NIPBL: variants seen among roughly 807,000 people sequenced by gnomAD.
The protein encoded by NIPBL is NIPBL cohesin loading factor.
A neutral mutation model predicts 321.8 loss-of-function variants in NIPBL; 19 were observed. That is an observed-to-expected ratio of 0.06 (90% confidence interval 0.04 to 0.09). The LOEUF (loss-of-function observed/expected upper bound fraction) is 0.09, where lower values mean the gene tolerates loss of function less well. Ranked by LOEUF, NIPBL falls within the 10% of genes least tolerant of loss-of-function variation. The probability of loss-of-function intolerance (pLI) is 1.00; values close to 1 mark genes in which losing one functional copy is unlikely to be tolerated. For missense variants in NIPBL, 2,210 were observed against 3,327.0 expected (o/e 0.66, Z 8.26); for synonymous variants, 1,106 against 1,114.1 (o/e 0.99, Z 0.14).
chr5:37,014,787 C>A (rs781028144), intron 22 of NIPBL, 22 bp downstream of exon 22: 8 of 1,419,574 alleles, frequency 5.6e-6, no homozygotes, highest in African/African-American at 1.4e-5. Context: ...TAATATAAAT[C>A]TGGTTTTTCT....
chr5:37,016,849 C>G (rs998980196), intron 23 of NIPBL, among the ~76,000 whole-genome samples, 170 bp from the exon 24 acceptor site: 1 of 151,364 alleles, frequency 6.6e-6, no homozygotes, highest in African/African-American at 2.4e-5. Context: ...TGAAAATGTT[C>G]AGATTCCAGA....
Position 37,008,044 on chromosome 5 carries a change from A to G in NIPBL, c.4276A>G (p.Asn1426Asp), listed in dbSNP as rs761684520. 6.2e-7 allele frequency: 1 copy of G among 1,611,628 alleles called. No individual in the cohort carries two copies. The highest frequency in any genetic ancestry group is 8.5e-7 in the Non-Finnish European group (1 of 1,178,002). ...GGGAATAACACCATTTTTTGTGGAA[A>G]ATGTCAGTGAACTACAGTTGTGTGC... Reference protein sequence around the residue: ...SMGITPFFVENVSELQLCAIK... With the variant: ...SMGITPFFVEDVSELQLCAIK... The change falls in exon 19 of 47, where the codon AAT becomes GAT. Residue 1426 changes from asparagine to aspartate, a missense_variant. Coordinates refer to ENST00000282516, the MANE Select transcript of NIPBL (RefSeq NM_133433.4).
chr5:36,969,536 T>C (rs1371216971), intron 6 of NIPBL, among the ~76,000 whole-genome samples: 1 of 152,248 alleles, frequency 6.6e-6, no homozygotes. Flanking sequence ...TAATTAATGA[T>C]GCAGTTGTTC....
At chr5:36,972,454 C>T (rs73750913) in intron 8 of NIPBL, among the ~76,000 whole-genome samples, 2,245 of 152,194 alleles carry the variant, frequency 0.015, 56 homozygotes, top group African/African-American at 0.05. Flanking sequence ...TAGCTCCTCT[C>T]CTTATTCTTA....
chr5:37,036,980 A>G (rs1751767743), intron 33 of NIPBL, among the ~76,000 whole-genome samples: 2 of 152,116 alleles, frequency 1.3e-5, no homozygotes, highest in Admixed American at 6.5e-5. Flanking sequence ...ATTTATTAAA[A>G]TGTTTAAAAT....
intron 14 of NIPBL, among the ~76,000 whole-genome samples, chr5:37,001,405 C>G (rs765818665): frequency 2.0e-5 from 3 of 152,144 alleles, no homozygotes; most frequent in Non-Finnish European, 4.4e-5. Flanking sequence ...AAATTAAAAA[C>G]TTTAGTACAA....
Position 37,059,119 on chromosome 5 carries a change from C to T in NIPBL, c.7639C>T (p.Leu2547Phe), listed in dbSNP as rs774934420. ...TGTGTCCCAGGGTATTTTATTACTTCTCATGTTAAAACAACATTTGAAGAA... is the reference window on the plus strand; with the variant it reads ...TGTGTCCCAGGGTATTTTATTACTTTTCATGTTAAAACAACATTTGAAGAA... The part of the protein sequence containing the change: ...ANVSQGILLL[L>F]MLKQHLKNLC... The change falls in exon 44 of 47, where the codon CTC (leucine) becomes TTC (phenylalanine). Residue 2547 changes from leucine to phenylalanine, a missense_variant. Leu to Phe is a conservative substitution (Grantham distance 22). Coordinates refer to ENST00000282516, the MANE Select transcript of NIPBL (RefSeq NM_133433.4). The T allele has an allele frequency of 1.9e-6, 3 of 1,614,042 alleles. No homozygotes were observed. Among genetic ancestry groups the T allele is most frequent in the African/African-American group, 1.3e-5 (1 of 74,936 alleles).
chr5:37,034,012 C>T (rs956866724), intron 32 of NIPBL, among the ~76,000 whole-genome samples: 1 of 151,418 alleles, frequency 6.6e-6, no homozygotes, highest in Non-Finnish European at 1.5e-5. Context: ...CAATTAATAC[C>T]GAGAATAAAT....
At chr5:37,051,588 C>T in intron 40 of NIPBL, 191 bp from the exon 41 acceptor site, 2 of 603,306 alleles carry the variant, frequency 3.3e-6, no homozygotes, top group Non-Finnish European at 5.9e-6. Context: ...TGCTGGTGCT[C>T]CAGTGCTTTC....
chr5:36,902,350 G>T (rs1315932371), intron 1 of NIPBL, among the ~76,000 whole-genome samples: 2 of 152,094 alleles, frequency 1.3e-5, no homozygotes, highest in African/African-American at 2.4e-5. Context: ...ATGTCCAGAA[G>T]AGTTTTTCCT....
intron 21 of NIPBL, among the ~76,000 whole-genome samples, chr5:37,014,259 A>T (rs1748656899): frequency 6.6e-6 from 1 of 151,552 alleles, no homozygotes; most frequent in Non-Finnish European, 1.5e-5. Context: ...AGGGAGAGGG[A>T]GGGAGAGCTT....
intron 6 of NIPBL, among the ~76,000 whole-genome samples, chr5:36,969,064 T>C (rs1236117917): frequency 3.3e-5 from 5 of 152,194 alleles, no homozygotes; most frequent in African/African-American, 1.2e-4. Context: ...ATTAACAGTT[T>C]AAAAGAGCAC....
intron 15 of NIPBL, 66 bp from the exon 16 acceptor site, chr5:37,003,195 G>C (rs1378075156): frequency 1.1e-6 from 1 of 943,480 alleles, no homozygotes; most frequent in African/African-American, 1.6e-5. Flanking sequence ...TAATTGTACA[G>C]ATTGTTTCTT....
intron 38 of NIPBL, among the ~76,000 whole-genome samples, chr5:37,046,474 T>A (rs970875793): frequency 6.6e-6 from 1 of 152,242 alleles, no homozygotes; most frequent in Non-Finnish European, 1.5e-5. Flanking sequence ...CCCTCCTCCA[T>A]AGGGTATCTT....
intron 42 of NIPBL, among the ~76,000 whole-genome samples, chr5:37,053,084 A>C (rs546715215): frequency 6.6e-6 from 1 of 152,288 alleles, no homozygotes; most frequent in South Asian, 2.1e-4. Flanking sequence ...TAATTATTAT[A>C]TATACAGTCA....
intron 21 of NIPBL, among the ~76,000 whole-genome samples, chr5:37,011,151 T>C (rs1748071007): frequency 6.6e-6 from 1 of 152,230 alleles, no homozygotes; most frequent in African/African-American, 2.4e-5. Context: ...TTTCCAAGTG[T>C]ATACTTTTAT....
chr5:37,044,429 C>G lies in NIPBL; in HGVS notation c.6191C>G (p.Thr2064Ser), dbSNP rs2149730875. ...VVPLMEHPSETFLATIEEDLM... is the reference protein window; with the variant it reads ...VVPLMEHPSESFLATIEEDLM... ...CCACTGATGGAGCATCCAAGTGAAA[C>G]TTTTCTTGCCACTATTGAGGAAGAT... The change falls in exon 35 of 47, where the codon ACT becomes AGT. Residue 2064 changes from threonine to serine, a missense_variant. Around this residue, in one of 14 missense-constraint regions of NIPBL, gnomAD observed 73 missense variants for 222.3 expected, o/e 0.33. Coordinates refer to ENST00000282516, the MANE Select transcript of NIPBL (RefSeq NM_133433.4). The G allele has an allele frequency of 6.2e-7, 1 of 1,613,952 alleles. No homozygotes were observed. Among genetic ancestry groups the G allele is most frequent in the East Asian group, 2.2e-5 (1 of 44,826 alleles).
chr5:37,005,361 C>T (rs1747308681), intron 16 of NIPBL, among the ~76,000 whole-genome samples: 1 of 152,068 alleles, frequency 6.6e-6, no homozygotes, highest in African/African-American at 2.4e-5. Flanking sequence ...AATACTTCGC[C>T]AAGAAATTGT....
intron 1 of NIPBL, among the ~76,000 whole-genome samples, chr5:36,910,104 A>G (rs546129224): frequency 6.6e-6 from 1 of 152,088 alleles, no homozygotes; most frequent in South Asian, 2.1e-4. Context: ...TATGATTAGT[A>G]TGATCTTCAG....
Sources: allele counts gnomAD v4.1 joint callset (sites outside exome capture counted in the v4.1 genomes callset), GRCh38; gene constraint gnomAD v4.1.1; regional missense constraint gnomAD v4.1.1; transcripts MANE v1.5; gene names NCBI Gene and HGNC (gene_info 2026-07-23, HGNC 2026-07-21).